Variants in FAM20C observed in about 807,000 individuals in gnomAD.
FAM20C encodes the protein FAM20C golgi associated secretory pathway kinase.
FAM20C carries 40 observed loss-of-function variants against 51.5 expected under a neutral mutation model. The ratio of observed to expected loss-of-function variants is 0.78; its 90% CI spans 0.60 to 1.01. The LOEUF (loss-of-function observed/expected upper bound fraction) is 1.01, where lower values mean the gene tolerates loss of function less well. Among genes scored for constraint, FAM20C ranks in the 50% least tolerant of loss-of-function variants. The probability of loss-of-function intolerance (pLI) is 0.00; values close to 1 mark genes in which losing one functional copy is unlikely to be tolerated. For synonymous variants in FAM20C, 406 were observed against 380.6 expected (o/e 1.07, Z -0.78); for missense variants, 861 against 844.7 (o/e 1.02, Z -0.24).
chr7:256,890 G>A (rs1012673164), intron 7 of FAM20C, 115 bp from the exon 8 acceptor site: 1 of 1,421,160 alleles, frequency 7.0e-7, no homozygotes, highest in Middle Eastern at 1.9e-4. Flanking sequence ...GAAGGGGCCA[G>A]ATTGCTTAGA....
chr7:240,938 T>A (rs925463234), intron 3 of FAM20C, among the ~76,000 whole-genome samples: 17 of 152,230 alleles, frequency 1.1e-4, no homozygotes, highest in African/African-American at 3.9e-4. Context: ...GAGCACGTCC[T>A]CCCTGAGCAG....
At chr7:250,120 T>A (rs1788339372) in intron 5 of FAM20C, among the ~76,000 whole-genome samples, 2 of 152,188 alleles carry the variant, frequency 1.3e-5, no homozygotes, top group African/African-American at 4.8e-5. Flanking sequence ...GGCCCCTGAT[T>A]AGCTGCGTCT....
intron 4 of FAM20C, among the ~76,000 whole-genome samples, chr7:247,544 G>A (rs1219039799): frequency 6.6e-6 from 1 of 152,208 alleles, no homozygotes; most frequent in Non-Finnish European, 1.5e-5. Context: ...TAGTGACGCG[G>A]GCGTACATTG....
At chr7:204,235 G>A (rs112257351) in intron 2 of FAM20C, among the ~76,000 whole-genome samples, 2,036 of 152,314 alleles carry the variant, frequency 0.013, 57 homozygotes, top group African/African-American at 0.045. Context: ...CCCGGTACCC[G>A]GTGAGAAGCC....
At chr7:228,942 A>G (rs1363625352) in intron 3 of FAM20C, 2 of 399,054 alleles carry the variant, frequency 5.0e-6, no homozygotes, top group Non-Finnish European at 1.0e-5. Flanking sequence ...CCCACCAGGC[A>G]TCTTGTTCAT....
intron 3 of FAM20C, chr7:246,192 C>T: frequency 3.9e-6 from 2 of 509,924 alleles, no homozygotes; most frequent in Admixed American, 3.2e-5. Context: ...TGGGTCAGGG[C>T]CACGGGGAGC....
At chr7:214,562 G>A (rs1218586659) in intron 3 of FAM20C, among the ~76,000 whole-genome samples, 5 of 152,212 alleles carry the variant, frequency 3.3e-5, no homozygotes, top group Non-Finnish European at 7.3e-5. Flanking sequence ...GAAACACCAC[G>A]TAGCCACAGA....
chr7:219,334 A>ACCCAGCCCAGGACAGCAACG (rs1284906161), intron 3 of FAM20C, among the ~76,000 whole-genome samples: 14 of 149,442 alleles, frequency 9.4e-5, no homozygotes, highest in Non-Finnish European at 1.5e-4. Flanking sequence ...AGTGAAGGAC[A>ACCCAGCCCAGGACAGCAACG]CCCAGCCCAG....
rs1785614916 is a variant in FAM20C, at chr7:192,703, C to T, written c.-497C>T. Among the ~76,000 whole-genome samples the T allele has an allele frequency of 6.7e-6, 1 of 148,590 alleles. No homozygotes were observed. Among genetic ancestry groups the T allele is most frequent in the Admixed American group, 6.6e-5 (1 of 15,038 alleles). On this transcript the variant is annotated 5_prime_UTR_variant, in exon 1 of 10. Coordinates refer to ENST00000313766, the MANE Select transcript of FAM20C (RefSeq NM_020223.4). ...CCCCCCAGCCCCGGTCTCCCGGGCGCGGCGTGAGAGCAGAGCCCGGCCCGG... is the reference window on the plus strand; with the variant it reads ...CCCCCCAGCCCCGGTCTCCCGGGCGTGGCGTGAGAGCAGAGCCCGGCCCGG...
chr7:259,300 A>G (rs1033577104), intron 9 of FAM20C, among the ~76,000 whole-genome samples: 11 of 152,094 alleles, frequency 7.2e-5, no homozygotes, highest in Admixed American at 1.3e-4. Flanking sequence ...ACCGGCCACC[A>G]CATCCTGCAA....
chr7:246,203 T>C, intron 3 of FAM20C: 2 of 537,308 alleles, frequency 3.7e-6, no homozygotes, highest in Non-Finnish European at 6.7e-6. Flanking sequence ...CACGGGGAGC[T>C]GGGACCCCCG....
At chr7:237,844 A>ATGATGG (rs1583323557) in intron 3 of FAM20C, among the ~76,000 whole-genome samples, 135 of 666 alleles carry the variant, frequency 0.2, no homozygotes, top group Middle Eastern at 0.5. Flanking sequence ...GATAGTGATG[A>ATGATGG]TGNNNNNNNN....
chr7:209,923 G>C (rs901477334), intron 3 of FAM20C, among the ~76,000 whole-genome samples: 1 of 152,220 alleles, frequency 6.6e-6, no homozygotes, highest in Non-Finnish European at 1.5e-5. Context: ...TCTCTGGACA[G>C]ATGTCCTGGA....
chr7:253,628 G>A (rs1050408703), intron 5 of FAM20C, among the ~76,000 whole-genome samples: 2 of 152,240 alleles, frequency 1.3e-5, no homozygotes, highest in Admixed American at 1.3e-4. Flanking sequence ...TTCCCAGCCC[G>A]TGATGCCGGC....
intron 2 of FAM20C, among the ~76,000 whole-genome samples, chr7:199,036 A>G (rs1786013130): frequency 6.6e-6 from 1 of 152,224 alleles, no homozygotes. Context: ...GAGCTGCTCC[A>G]TGTCCAGGTC....
intron 2 of FAM20C, among the ~76,000 whole-genome samples, chr7:204,695 C>T (rs987881634): frequency 6.6e-6 from 1 of 152,274 alleles, no homozygotes; most frequent in Non-Finnish European, 1.5e-5. Context: ...TGCCGCTGTT[C>T]TCAGTGTTCA....
At chr7:205,373 G>A (rs1786328784) in intron 2 of FAM20C, among the ~76,000 whole-genome samples, 1 of 93,156 alleles carries the variant, frequency 1.1e-5, no homozygotes, top group Non-Finnish European at 2.5e-5. Flanking sequence ...CTGAGTAGCT[G>A]GGACCACGGA....
chr7:228,458 G>C (rs978540689), intron 3 of FAM20C: 3 of 456,030 alleles, frequency 6.6e-6, no homozygotes, highest in Non-Finnish European at 1.3e-5. Flanking sequence ...CTGGTGTCAC[G>C]GCTCAGTGTG....
In FAM20C at chr7:193,032, G is replaced by C. The variant is rs979656727; in HGVS notation, c.-168G>C. 1 of 343,008 alleles carries C rather than the reference G, an allele frequency of 2.9e-6. No homozygotes were observed. The highest frequency in any genetic ancestry group is 2.2e-5 in the African/African-American group (1 of 45,004). 21.2% of individuals were successfully genotyped at this position (343,008 alleles called of 1,614,324 possible). ...GATGGCGCGGGGACCCAGCGCTCCG[G>C]CGGCGGGCGCCCTGCACGCGGCCCG... On this transcript the variant is annotated 5_prime_UTR_variant, in exon 1 of 10. Coordinates refer to ENST00000313766, the MANE Select transcript of FAM20C (RefSeq NM_020223.4).
Sources: allele counts gnomAD v4.1 joint callset (sites outside exome capture counted in the v4.1 genomes callset), GRCh38; gene constraint gnomAD v4.1.1; transcripts MANE v1.5; gene names NCBI Gene and HGNC (gene_info 2026-07-23, HGNC 2026-07-21).